SERGEF: variants seen among roughly 807,000 people sequenced by gnomAD.
SERGEF encodes the protein secretion regulating guanine nucleotide exchange factor.
SERGEF carries 51 observed loss-of-function variants against 50.0 expected under a neutral mutation model. The ratio of observed to expected loss-of-function variants is 1.02; its 90% CI spans 0.81 to 1.29. The LOEUF is 1.29. Ranked by LOEUF, SERGEF falls within the 50% of genes most tolerant of loss-of-function variation. The pLI is 0.00. For missense variants in SERGEF, 521 were observed against 557.0 expected (o/e 0.94, Z 0.65); for synonymous variants, 205 against 212.4 (o/e 0.97, Z 0.30).
intron 10 of SERGEF, among the ~76,000 whole-genome samples, chr11:17,812,918 C>T (rs772049500): frequency 3.3e-5 from 5 of 152,166 alleles, no homozygotes; most frequent in African/African-American, 1.2e-4. Flanking sequence ...TCCAAAGCCT[C>T]GGGTGCTTGG....
chr11:17,960,466 T>G (rs16934821), intron 8 of SERGEF, among the ~76,000 whole-genome samples: 3,322 of 152,318 alleles, frequency 0.022, 105 homozygotes, highest in African/African-American at 0.076. Flanking sequence ...TGATGAGCCA[T>G]AGATTATTAA....
At chr11:17,873,674 G>A (rs1851189543) in intron 10 of SERGEF, among the ~76,000 whole-genome samples, 1 of 151,582 alleles carries the variant, frequency 6.6e-6, no homozygotes, top group African/African-American at 2.4e-5. Flanking sequence ...AGGAGGAGGA[G>A]GAGGAGGAGG....
At chr11:17,872,474 A>G (rs572913572) in intron 10 of SERGEF, among the ~76,000 whole-genome samples, 163 of 152,340 alleles carry the variant, frequency 1.1e-3, no homozygotes, top group African/African-American at 3.6e-3. Context: ...GCAAAAATCC[A>G]AGAGTTTCTT....
intron 4 of SERGEF, among the ~76,000 whole-genome samples, chr11:18,003,668 A>C (rs1371932655): frequency 6.6e-6 from 1 of 152,214 alleles, no homozygotes; most frequent in African/African-American, 2.4e-5. Context: ...GCGCCACTGC[A>C]CTCCAGCCTG....
At chr11:17,848,936 T>C (rs891401016) in intron 10 of SERGEF, among the ~76,000 whole-genome samples, 13 of 152,212 alleles carry the variant, frequency 8.5e-5, no homozygotes, top group African/African-American at 2.9e-4. Flanking sequence ...TACAGTCGAA[T>C]GGGGCGGTAC....
At chr11:17,876,788 G>A (rs752458579) in intron 10 of SERGEF, among the ~76,000 whole-genome samples, 46 of 152,354 alleles carry the variant, frequency 3.0e-4, no homozygotes, top group Non-Finnish European at 2.1e-4. Flanking sequence ...GCCTCTCCCA[G>A]TCCAGTGATA....
At chr11:17,935,916 G>C (rs1462129117) in intron 9 of SERGEF, among the ~76,000 whole-genome samples, 1 of 152,118 alleles carries the variant, frequency 6.6e-6, no homozygotes, top group Non-Finnish European at 1.5e-5. Flanking sequence ...AGTGGAGGGA[G>C]CAGGATTAGA....
At chr11:17,983,014 A>G (rs1853522191) in intron 8 of SERGEF, among the ~76,000 whole-genome samples, 1 of 152,204 alleles carries the variant, frequency 6.6e-6, no homozygotes, top group African/African-American at 2.4e-5. Context: ...TTCTTCCATC[A>G]TTGATTCTCT....
intron 9 of SERGEF, among the ~76,000 whole-genome samples, chr11:17,908,283 G>A (rs1000352973): frequency 6.6e-6 from 1 of 152,072 alleles, no homozygotes; most frequent in African/African-American, 2.4e-5. Flanking sequence ...CTCTGCTCCA[G>A]TCATGCTGAA....
chr11:17,995,985 G>C, intron 5 of SERGEF, 76 bp from the exon 6 acceptor site: 1 of 978,544 alleles, frequency 1.0e-6, no homozygotes, highest in Non-Finnish European at 1.6e-6. Flanking sequence ...GAACCTCACT[G>C]CTATGAGAAA....
intron 10 of SERGEF, among the ~76,000 whole-genome samples, chr11:17,863,994 T>C (rs1850976223): frequency 6.6e-6 from 1 of 152,362 alleles, no homozygotes; most frequent in Admixed American, 6.5e-5. Context: ...ATGGGGATTC[T>C]AGAGGCCCAG....
At chr11:17,892,139 A>C (rs1851543064) in intron 9 of SERGEF, among the ~76,000 whole-genome samples, 2 of 152,214 alleles carry the variant, frequency 1.3e-5, no homozygotes, top group South Asian at 4.1e-4. Context: ...ATAGTAAAAC[A>C]TAAGAACACT....
At chr11:17,850,209 A>C (rs1850687707) in intron 10 of SERGEF, among the ~76,000 whole-genome samples, 1 of 152,204 alleles carries the variant, frequency 6.6e-6, no homozygotes, top group Non-Finnish European at 1.5e-5. Context: ...CCCATGACCC[A>C]ATCAGCTTCC....
intron 2 of SERGEF, among the ~76,000 whole-genome samples, chr11:18,007,226 T>A (rs1170338284): frequency 6.6e-6 from 1 of 152,140 alleles, no homozygotes; most frequent in Non-Finnish European, 1.5e-5. Flanking sequence ...TTAATATCCA[T>A]CTTTATACCA....
chr11:17,825,335 A>G (rs1417342521), intron 10 of SERGEF, among the ~76,000 whole-genome samples: 1 of 152,210 alleles, frequency 6.6e-6, no homozygotes, highest in Non-Finnish European at 1.5e-5. Flanking sequence ...GGCGTATCCA[A>G]ATGCCAGCCC....
Position 17,809,729 on chromosome 11 carries a change from G to A in SERGEF, c.1049-21316C>T, listed in dbSNP as rs530964567. On this transcript the variant is annotated intron_variant, in intron 10 of 10. Coordinates refer to ENST00000265965, the MANE Select transcript of SERGEF (RefSeq NM_012139.4). Reference sequence around the variant, plus strand: ...AAGAGGACTTGGCATCTGTGAAGCTGTGGGTACAGAGGGGTGAGAGGAGTC... The same window carrying A: ...AAGAGGACTTGGCATCTGTGAAGCTATGGGTACAGAGGGGTGAGAGGAGTC... Among the ~76,000 whole-genome samples, 8 of 152,056 alleles carry A rather than the reference G, an allele frequency of 5.3e-5. No homozygotes were observed. In the South Asian group the frequency reaches 1.5e-3, roughly 28 times the overall value.
intron 10 of SERGEF, among the ~76,000 whole-genome samples, chr11:17,874,612 C>G (rs1042883756): frequency 1.3e-5 from 2 of 152,220 alleles, no homozygotes; most frequent in African/African-American, 4.8e-5. Context: ...TCCATCTTCT[C>G]AAGAAACTGA....
intron 9 of SERGEF, among the ~76,000 whole-genome samples, chr11:17,903,047 T>G (rs959198194): frequency 6.6e-6 from 1 of 152,256 alleles, no homozygotes; most frequent in East Asian, 1.9e-4. Flanking sequence ...GGACTCATAA[T>G]TTATTAGCTG....
intron 9 of SERGEF, among the ~76,000 whole-genome samples, chr11:17,921,531 TTCCA>T (rs1431374734): frequency 1.3e-5 from 2 of 152,242 alleles, no homozygotes; most frequent in African/African-American, 4.8e-5. Context: ...TGTTCATACA[TTCCA>T]TGATTCCCTC....
Sources: allele counts gnomAD v4.1 joint callset (sites outside exome capture counted in the v4.1 genomes callset), GRCh38; gene constraint gnomAD v4.1.1; transcripts MANE v1.5; gene names NCBI Gene and HGNC (gene_info 2026-07-23, HGNC 2026-07-21).